The following AGAP1 variants were observed in gnomAD, a reference collection of about 807,000 sequenced individuals.
AGAP1 encodes the protein ArfGAP with GTPase domain, ankyrin repeat and PH domain 1, also known as arf-GAP with GTPase, ANK repeat and PH domain-containing protein 1.
A neutral mutation model predicts 105.3 loss-of-function variants in AGAP1; 29 were observed. That is an observed-to-expected ratio of 0.28 (90% CI 0.21 to 0.38). The LOEUF is 0.38. Among genes scored for constraint, AGAP1 ranks in the 10% least tolerant of loss-of-function variants. The pLI is 1.00. For missense variants in AGAP1, 998 were observed against 1,165.1 expected, an observed-to-expected ratio of 0.86 and a Z score of 2.09; for synonymous variants, 509 against 485.9, an observed-to-expected ratio of 1.05 and a Z score of -0.63.
chr2:236,059,002 C>T (rs2058117864), intron 16 of AGAP1, among the ~76,000 whole-genome samples: 2 of 152,010 alleles, frequency 1.3e-5, no homozygotes, highest in Admixed American at 6.6e-5. Flanking sequence ...CACTTTCCAG[C>T]CTGGGGAACA....
chr2:236,017,416 C>G (rs182438580), intron 13 of AGAP1, among the ~76,000 whole-genome samples: 1 of 152,152 alleles, frequency 6.6e-6, no homozygotes, highest in East Asian at 1.9e-4. Flanking sequence ...ATAAAGTGAC[C>G]CTTCATGAAA....
intron 1 of AGAP1, among the ~76,000 whole-genome samples, chr2:235,688,326 G>C (rs1032453145): frequency 2.0e-5 from 3 of 152,298 alleles, no homozygotes; most frequent in Admixed American, 2.0e-4. Context: ...TGTGGTGTCT[G>C]TTTGGGGAGC....
At position 235,553,631 on chromosome 2, in the gene AGAP1, G is replaced by A. The variant is rs933454724; in HGVS notation, c.163+58782G>A. ...CGTGAAGTGGAGCCTGGTCCCTGGT[G>A]ACCCAGGTACAGTTTACGTCTGGAG... is the stretch of plus-strand genomic sequence containing the variant. On this transcript the variant is annotated intron_variant, in intron 1 of 17. Coordinates refer to ENST00000304032, the MANE Select transcript of AGAP1 (RefSeq NM_001037131.3). This position sits in a 1 kb window ranked among gnomAD's most constrained non-coding sequence, Gnocchi z 4.5. 1.3e-5 allele frequency among the ~76,000 whole-genome samples: 2 copies of A among 152,036 alleles called. No individual in the cohort carries two copies. The highest frequency in any genetic ancestry group is 2.9e-5 in the Non-Finnish European group (2 of 68,008).
intron 9 of AGAP1, among the ~76,000 whole-genome samples, chr2:235,860,571 C>T (rs1559574972): frequency 6.6e-6 from 1 of 152,144 alleles, no homozygotes; most frequent in East Asian, 1.9e-4. Context: ...TGTGGAATTT[C>T]TCAAAAATAC....
chr2:235,787,107 T>C lies in AGAP1; in HGVS notation c.674-10652T>C, dbSNP rs1339624535. ...CTGGGGCCGTGGCCCCACAGGCTTG[T>C]GATCAGTGGGCTCCGGTTCTCACTT... On this transcript the variant is annotated intron_variant, in intron 6 of 17. Transcript: ENST00000304032. The surrounding 1 kb of genome is among the most constrained non-coding windows in gnomAD (Gnocchi z 4.4). Among the ~76,000 whole-genome samples, 2 of 152,232 alleles carry C rather than the reference T, an allele frequency of 1.3e-5. No individual in the cohort carries two copies. The highest frequency in any genetic ancestry group is 2.9e-5 in the Non-Finnish European group (2 of 68,044).
intron 1 of AGAP1, chr2:235,670,693 G>A: frequency 1.4e-6 from 1 of 718,140 alleles, no homozygotes; most frequent in Non-Finnish European, 2.4e-6. Context: ...TGGAGCCCGC[G>A]ACCGCCACGC....
intron 1 of AGAP1, among the ~76,000 whole-genome samples, chr2:235,515,963 G>C (rs185649386): frequency 6.6e-6 from 1 of 152,092 alleles, no homozygotes; most frequent in Non-Finnish European, 1.5e-5. Flanking sequence ...TGGGGTGTGC[G>C]GCCTCTGTAG....
chr2:236,076,620 C>T lies in AGAP1; in HGVS notation c.2114+27339C>T, dbSNP rs1008376845. Among the ~76,000 whole-genome samples the T allele has an allele frequency of 5.9e-5, 9 of 152,078 alleles. No individual in the cohort carries two copies. Among genetic ancestry groups the T allele is most frequent in the Non-Finnish European group, 1.3e-4 (9 of 68,024 alleles). On this transcript the variant is annotated intron_variant, in intron 16 of 17. Coordinates refer to ENST00000304032, the MANE Select transcript of AGAP1 (RefSeq NM_001037131.3). The surrounding 1 kb of genome is among the most constrained non-coding windows in gnomAD (Gnocchi z 4.4). ...TCTCAGAGAATGATGATAGATGTTT[C>T]TGGAAAATGAGTTGTGTTTGAGAAC...
chr2:235,649,079 G>T (rs1192601135), intron 1 of AGAP1, among the ~76,000 whole-genome samples: 2 of 152,154 alleles, frequency 1.3e-5, no homozygotes, highest in South Asian at 4.1e-4. Context: ...TTTCTGGAAG[G>T]CTTATTTAAA....
rs577665353 is a variant in AGAP1, at chr2:235,599,469, G to A, written c.163+104620G>A. The stretch of plus-strand genomic sequence containing the variant: ...AGCCACACGCAGAGGGCAGTTATGT[G>A]TGATGTGGGAAATGACTGCAAAGCT... On this transcript the variant is annotated intron_variant, in intron 1 of 17. Transcript: ENST00000304032. This position sits in a 1 kb window ranked among gnomAD's most constrained non-coding sequence, Gnocchi z 5.3. Among the ~76,000 whole-genome samples the A allele has an allele frequency of 6.6e-6, 1 of 152,274 alleles. No homozygotes were observed. The highest frequency in any genetic ancestry group is 6.5e-5 in the Admixed American group (1 of 15,290).
At position 236,109,406 on chromosome 2, in the gene AGAP1, C is replaced by G. The variant is rs2059586939; in HGVS notation, c.2115-10786C>G. ...TAAAATTCCATGAATTATTATTCAT[C>G]TTTGTAATTATTATAAATATTTATA... On this transcript the variant is annotated intron_variant, in intron 16 of 17. Transcript: ENST00000304032. This position sits in a 1 kb window ranked among gnomAD's most constrained non-coding sequence, Gnocchi z 5.4. Among the ~76,000 whole-genome samples, 1 of 152,016 alleles carries G rather than the reference C, an allele frequency of 6.6e-6. No individual in the cohort carries two copies. Among genetic ancestry groups the G allele is most frequent in the African/African-American group, 2.4e-5 (1 of 41,404 alleles).
intron 3 of AGAP1, among the ~76,000 whole-genome samples, chr2:235,730,795 G>C (rs1268290694): frequency 6.6e-6 from 1 of 152,162 alleles, no homozygotes; most frequent in Admixed American, 6.6e-5. Flanking sequence ...CCACTGTTTT[G>C]GTGGGTATCG....
intron 6 of AGAP1, among the ~76,000 whole-genome samples, chr2:235,756,029 C>T (rs987795032): frequency 6.6e-6 from 1 of 152,178 alleles, no homozygotes; most frequent in African/African-American, 2.4e-5. Flanking sequence ...CAACAGGGCC[C>T]CTTTGAGCAT....
intron 11 of AGAP1, among the ~76,000 whole-genome samples, chr2:235,922,120 A>G (rs2052211695): frequency 6.6e-6 from 1 of 152,204 alleles, no homozygotes; most frequent in African/African-American, 2.4e-5. Flanking sequence ...GTGCAGCTGT[A>G]GGGTTTGCAA....
rs2060077167 is a variant in AGAP1, at chr2:236,131,141, G to A, written c.*7019G>A. 6.6e-6 allele frequency: 1 copy of A among 152,288 alleles called. No homozygotes were observed. Among genetic ancestry groups the A allele is most frequent in the African/African-American group, 2.4e-5 (1 of 41,460 alleles). 9.4% of individuals were successfully genotyped at this position (152,288 alleles called of 1,614,324 possible). Reference sequence around the variant, plus strand: ...CTCCCACGGCTGGGTTTTTGTGTCTGAAATACATCTAATTCTCCAGACTGC... The same window carrying A: ...CTCCCACGGCTGGGTTTTTGTGTCTAAAATACATCTAATTCTCCAGACTGC... On this transcript the variant is annotated 3_prime_UTR_variant, in exon 18 of 18. Transcript: ENST00000304032. The surrounding 1 kb of genome is among the most constrained non-coding windows in gnomAD (Gnocchi z 5.9).
At position 236,095,237 on chromosome 2, in the gene AGAP1, A is replaced by G. The variant is rs2059163509; in HGVS notation, c.2115-24955A>G. On this transcript the variant is annotated intron_variant, in intron 16 of 17. Transcript: ENST00000304032. The surrounding 1 kb of genome is among the most constrained non-coding windows in gnomAD (Gnocchi z 4.1). ...TGTGGTGAAACCCCGTCTCTACAAA[A>G]AAGTTAAAAATTAGCCAGGCGTGGT... Among the ~76,000 whole-genome samples, 1 of 151,724 alleles carries G rather than the reference A, an allele frequency of 6.6e-6. No homozygotes were observed. The highest frequency in any genetic ancestry group is 2.4e-5 in the African/African-American group (1 of 41,236).
At chr2:236,102,900 A>G (rs959676800) in intron 16 of AGAP1, among the ~76,000 whole-genome samples, 6 of 152,088 alleles carry the variant, frequency 3.9e-5, no homozygotes, top group Admixed American at 1.3e-4. Context: ...CTTTTTTTTC[A>G]AAAGTCATTG....
rs2053827007 is a variant in AGAP1 at position 235,953,508 on chromosome 2, C to G, written c.1484-14954C>G. Among the ~76,000 whole-genome samples, 1 of 152,112 alleles carries G rather than the reference C, an allele frequency of 6.6e-6. No individual in the cohort carries two copies. The highest frequency in any genetic ancestry group is 6.5e-5 in the Admixed American group (1 of 15,280). On this transcript the variant is annotated intron_variant, in intron 12 of 17. Coordinates refer to ENST00000304032, the MANE Select transcript of AGAP1 (RefSeq NM_001037131.3). This position sits in a 1 kb window ranked among gnomAD's most constrained non-coding sequence, Gnocchi z 5.2. ...AATTAGAAGTATACTGCATTTTTTT[C>G]CCTCCAGCATTTCAAAGACATTACT...
At chr2:235,565,377 G>T (rs1309486445) in intron 1 of AGAP1, among the ~76,000 whole-genome samples, 3 of 152,218 alleles carry the variant, frequency 2.0e-5, no homozygotes, top group Non-Finnish European at 4.4e-5. Context: ...TAGCTTTGTG[G>T]TATCTGTTTT....
Sources: allele counts gnomAD v4.1 joint callset (sites outside exome capture counted in the v4.1 genomes callset), GRCh38; gene constraint gnomAD v4.1.1; non-coding constraint Gnocchi (gnomAD v3.1); transcripts MANE v1.5; gene names NCBI Gene and HGNC (gene_info 2026-07-23, HGNC 2026-07-21).